Variants in FLRT1 observed in about 807,000 individuals in gnomAD.
FLRT1 encodes fibronectin leucine rich transmembrane protein 1, also known as leucine-rich repeat transmembrane protein FLRT1.
A neutral mutation model predicts 30.9 loss-of-function variants in FLRT1; 14 were observed. The ratio of observed to expected loss-of-function variants is 0.45; its 90% CI spans 0.30 to 0.71. The LOEUF (loss-of-function observed/expected upper bound fraction) is 0.71. FLRT1 is among the 30% of genes least tolerant of loss of function. The pLI is 0.08. For synonymous variants in FLRT1, 368 were observed against 430.4 expected, an observed-to-expected ratio of 0.85 and a Z score of 1.80; for missense variants, 737 against 949.2, an observed-to-expected ratio of 0.78 and a Z score of 2.94.
At chr11:64,085,459 G>A (rs151161759) in intron 1 of FLRT1, among the ~76,000 whole-genome samples, 284 of 152,356 alleles carry the variant, frequency 1.9e-3, no homozygotes, top group African/African-American at 6.6e-3. Context: ...CGGGGCTGCC[G>A]GGACCAGGCC....
In FLRT1 at chr11:64,067,297, G is replaced by T. The variant is rs1944022253; in HGVS notation, c.-1038+31138G>T. Among the ~76,000 whole-genome samples the T allele has an allele frequency of 1.3e-5, 2 of 152,134 alleles. No homozygotes were observed. The highest frequency in any genetic ancestry group is 4.1e-4 in the South Asian group (2 of 4,830). On this transcript the variant is annotated intron_variant, in intron 1 of 2. Coordinates refer to ENST00000682287, the MANE Select transcript of FLRT1 (RefSeq NM_013280.5). This position sits in a 1 kb window ranked among gnomAD's most constrained non-coding sequence, Gnocchi z 4.6. ...GAAGGAGCATCATTAACACGACATGGCCTCCTCCCCACTGCTCAGCCTCTC... is the reference window on the plus strand; with the variant it reads ...GAAGGAGCATCATTAACACGACATGTCCTCCTCCCCACTGCTCAGCCTCTC...
In FLRT1 at chr11:64,049,372, C is replaced by A. The variant is rs1943647306; in HGVS notation, c.-1038+13213C>A. Among the ~76,000 whole-genome samples, 5 of 152,238 alleles carry A rather than the reference C, an allele frequency of 3.3e-5. No individual in the cohort carries two copies. The South Asian group carries it at 8.3e-4, about 25-fold the overall frequency. ...GTGCTGTTCACAGCGGTGCCCACGG[C>A]CAGTCCTGGGCAGGGAGGTCAGCAG... is the stretch of plus-strand genomic sequence containing the variant. On this transcript the variant is annotated intron_variant, in intron 1 of 2. Coordinates refer to ENST00000682287, the MANE Select transcript of FLRT1 (RefSeq NM_013280.5).
intron 1 of FLRT1, among the ~76,000 whole-genome samples, chr11:64,094,258 G>T (rs370033552): frequency 6.6e-6 from 1 of 152,078 alleles, no homozygotes; most frequent in Non-Finnish European, 1.5e-5. Flanking sequence ...GTAAAACCAC[G>T]TCTCTACTAA....
chr11:64,112,182 C>A (rs599549), intron 2 of FLRT1, among the ~76,000 whole-genome samples: 9,774 of 152,222 alleles, frequency 0.064, 394 homozygotes, highest in Middle Eastern at 0.13. Flanking sequence ...CAAATCCCTG[C>A]CCTTGTAGAG....
chr11:64,048,723 T>A (rs781280265), intron 1 of FLRT1, among the ~76,000 whole-genome samples: 1 of 152,162 alleles, frequency 6.6e-6, no homozygotes, highest in Non-Finnish European at 1.5e-5. Flanking sequence ...AAACCAAGGC[T>A]CTGCAGGGTT....
At chr11:64,061,493 C>T (rs1300013753) in intron 1 of FLRT1, among the ~76,000 whole-genome samples, 1 of 152,160 alleles carries the variant, frequency 6.6e-6, no homozygotes, top group Non-Finnish European at 1.5e-5. Flanking sequence ...CCCCGCAGTC[C>T]CCAGGCAGCT....
Position 64,116,409 on chromosome 11 carries a change from GTCA to G in FLRT1, c.145_147del (p.Ile49del). ...CGGGCTCATCGCCTTCCTGACGGAGGTCATCGACAGCACCACCTGCCCCTCGGT... is the reference window on the plus strand; with the variant it reads ...CGGGCTCATCGCCTTCCTGACGGAGGTCGACAGCACCACCTGCCCCTCGGT... On this transcript the variant is annotated inframe_deletion, in exon 3 of 3. Coordinates refer to ENST00000682287, the MANE Select transcript of FLRT1 (RefSeq NM_013280.5). The G allele has an allele frequency of 6.2e-7, 1 of 1,613,972 alleles. No individual in the cohort carries two copies. The highest frequency in any genetic ancestry group is 1.6e-4 in the Middle Eastern group (1 of 6,062).
In FLRT1 at chr11:64,118,429, T is replaced by C. The variant is rs749175783; in HGVS notation, c.*137T>C. The stretch of plus-strand genomic sequence containing the variant: ...GACTTTCCTCCGCAGAAAGCAAAGT[T>C]TGGGGAGGGCTGACGATTTTGTAGA... On this transcript the variant is annotated 3_prime_UTR_variant, in exon 3 of 3. Transcript: ENST00000682287. The C allele has an allele frequency of 9.0e-7, 1 of 1,116,520 alleles. No homozygotes were observed. The highest frequency in any genetic ancestry group is 1.2e-6 in the Non-Finnish European group (1 of 827,752). The allele number at this position is 1,116,520 out of a possible 1,614,324, so 69.2% of individuals were successfully genotyped here. A position where few individuals can be genotyped will look rare whatever the true frequency, so the allele number is the denominator to read the frequency against.
chr11:64,087,890 CCTT>C (rs1692667686), intron 1 of FLRT1, among the ~76,000 whole-genome samples: 1 of 152,210 alleles, frequency 6.6e-6, no homozygotes, highest in South Asian at 2.1e-4. Context: ...GGGCTTAGCT[CCTT>C]CTTTCTGCGA....
chr11:64,085,809 C>T (rs892338273), intron 1 of FLRT1, among the ~76,000 whole-genome samples: 5 of 152,136 alleles, frequency 3.3e-5, no homozygotes, highest in African/African-American at 7.2e-5. Flanking sequence ...CTGGGCAAGT[C>T]GGGGAATAAC....
At chr11:64,088,711 A>G (rs1944438418) in intron 1 of FLRT1, among the ~76,000 whole-genome samples, 1 of 152,090 alleles carries the variant, frequency 6.6e-6, no homozygotes. Flanking sequence ...TGTCTATGAA[A>G]TGGGGATAAT....
chr11:64,116,935 G>A lies in FLRT1; in HGVS notation c.668G>A (p.Ser223Asn). The A allele has an allele frequency of 6.2e-7, 1 of 1,611,286 alleles. No individual in the cohort carries two copies. The highest frequency in any genetic ancestry group is 1.6e-4 in the Middle Eastern group (1 of 6,062). ...CTGCATGCCTTCAAGGGCCTCAACA[G>A]CCTGCGGCGCCTGGTGCTGGACGGT... ...IPLHAFKGLN[S>N]LRRLVLDGNL... Residue 223 changes from serine to asparagine, a missense_variant, in exon 3 of 3, where the codon AGC becomes AAC. Physicochemically the swap from Ser to Asn is conservative, Grantham distance 46. Coordinates refer to ENST00000682287, the MANE Select transcript of FLRT1 (RefSeq NM_013280.5).
intron 2 of FLRT1, among the ~76,000 whole-genome samples, chr11:64,114,429 T>TTGAATGGATGGATGGATGGA (rs1565239360): frequency 3.1e-5 from 2 of 63,846 alleles, no homozygotes; most frequent in African/African-American, 9.1e-5. Context: ...GGAGGGATGG[T>TTGAATGGATGGATGGATGGA]TGAATGGATG....
rs555502214 is a variant in FLRT1, at chr11:64,118,414, C to T, written c.*122C>T. The T allele has an allele frequency of 7.6e-5, 95 of 1,254,496 alleles. No individual in the cohort carries two copies. In the East Asian group the frequency reaches 1.7e-3, roughly 22 times the overall value. 77.7% of individuals were successfully genotyped at this position (1,254,496 alleles called of 1,614,324 possible). ...AGAAATTCCATGGGTGACTTTCCTC[C>T]GCAGAAAGCAAAGTTTGGGGAGGGC... On this transcript the variant is annotated 3_prime_UTR_variant, in exon 3 of 3. Transcript: ENST00000682287.
At chr11:64,079,797 A>G (rs1466584482) in intron 1 of FLRT1, among the ~76,000 whole-genome samples, 1 of 152,138 alleles carries the variant, frequency 6.6e-6, no homozygotes, top group African/African-American at 2.4e-5. Context: ...ATCTGGAGGT[A>G]CAGCTGGGTC....
At chr11:64,091,802 G>T (rs1207074154) in intron 1 of FLRT1, among the ~76,000 whole-genome samples, 2 of 152,106 alleles carry the variant, frequency 1.3e-5, no homozygotes, top group African/African-American at 4.8e-5. Flanking sequence ...CTGACAGTGG[G>T]CCACTACCCC....
At chr11:64,085,486 C>T (rs976197695) in intron 1 of FLRT1, among the ~76,000 whole-genome samples, 3 of 152,218 alleles carry the variant, frequency 2.0e-5, no homozygotes, top group South Asian at 2.1e-4. Flanking sequence ...CTGGGGCGGC[C>T]GGCTTAGCTG....
Position 64,096,743 on chromosome 11 carries a change from C to T in FLRT1, c.-1037-6451C>T, listed in dbSNP as rs1344805512. On this transcript the variant is annotated intron_variant, in intron 1 of 2. Transcript: ENST00000682287. This position sits in a 1 kb window ranked among gnomAD's most constrained non-coding sequence, Gnocchi z 4.6. ...TCTCCCCCTTTTGTGCCTAGAGTTG[C>T]TCTGTGAAGGGGCAGGCTCTGGCCG... Among the ~76,000 whole-genome samples the T allele has an allele frequency of 6.6e-6, 1 of 152,182 alleles. No individual in the cohort carries two copies. Among genetic ancestry groups the T allele is most frequent in the Admixed American group, 6.5e-5 (1 of 15,280 alleles).
intron 1 of FLRT1, chr11:64,086,967 C>G (rs557394061): frequency 6.6e-6 from 1 of 152,200 alleles, no homozygotes; most frequent in African/African-American, 2.4e-5. Context: ...AGCCTTTTGA[C>G]GCAGGGAGAT....
Sources: gnomAD v4.1 joint callset for allele counts (sites outside exome capture counted in the v4.1 genomes callset) on GRCh38, gnomAD v4.1.1 for gene constraint, Gnocchi (gnomAD v3.1) non-coding constraint, MANE v1.5 for transcripts, NCBI Gene and HGNC (gene_info 2026-07-23, HGNC 2026-07-21) for gene names.